Variants in TRIQK observed in about 807,000 individuals in gnomAD.
The protein encoded by TRIQK is triple QxxK/R motif containing, also known as triple QxxK/R motif-containing protein.
Under a neutral mutation model 10.8 loss-of-function variants are expected in TRIQK, and 10 were observed. The observed-to-expected ratio is 0.92, with a 90% confidence interval of 0.57 to 1.57. The LOEUF is 1.57. TRIQK is among the 40% of genes most tolerant of loss of function. The pLI, the probability that TRIQK is intolerant of heterozygous loss-of-function variation, is 0.00. For synonymous variants in TRIQK, 33 were observed against 33.7 expected, an observed-to-expected ratio of 0.98 and a Z score of 0.07; for missense variants, 107 against 97.7, an observed-to-expected ratio of 1.09 and a Z score of -0.40.
At chr8:92,939,913 G>T (rs919500468) in intron 2 of TRIQK, among the ~76,000 whole-genome samples, 1 of 152,114 alleles carries the variant, frequency 6.6e-6, no homozygotes, top group African/African-American at 2.4e-5. Context: ...CTTGCAGCCT[G>T]CACCCTTGCC....
At chr8:92,956,003 C>T in intron 1 of TRIQK, among the ~76,000 whole-genome samples, 1 of 151,736 alleles carries the variant, frequency 6.6e-6, no homozygotes, top group Non-Finnish European at 1.5e-5. Flanking sequence ...AAAAGTTTGG[C>T]AGCTCCTCAA....
intron 2 of TRIQK, among the ~76,000 whole-genome samples, chr8:92,950,662 G>A (rs1343656820): frequency 6.6e-6 from 1 of 152,086 alleles, no homozygotes; most frequent in East Asian, 1.9e-4. Flanking sequence ...AACTGGTTCT[G>A]CCATAAGAGC....
At chr8:92,953,831 G>C (rs910157336) in intron 2 of TRIQK, 2 of 151,874 alleles carry the variant, frequency 1.3e-5, no homozygotes, top group Non-Finnish European at 2.9e-5. Flanking sequence ...GTAGAGTGAG[G>C]AGTGGGAAAG....
At chr8:92,946,420 C>T (rs989135057) in intron 2 of TRIQK, among the ~76,000 whole-genome samples, 6 of 152,092 alleles carry the variant, frequency 3.9e-5, no homozygotes, top group African/African-American at 1.2e-4. Context: ...AGTTTTCATA[C>T]CATCTGCCTC....
At chr8:93,003,610 C>G (rs1336226032) in intron 1 of TRIQK, among the ~76,000 whole-genome samples, 4 of 152,258 alleles carry the variant, frequency 2.6e-5, no homozygotes, top group African/African-American at 9.6e-5. Context: ...AACCGTCCCC[C>G]AAAGTCTTAA....
intron 1 of TRIQK, among the ~76,000 whole-genome samples, chr8:93,005,230 A>G (rs922598212): frequency 1.3e-5 from 2 of 152,220 alleles, no homozygotes; most frequent in Non-Finnish European, 2.9e-5. Flanking sequence ...ACTTACAATC[A>G]TGGCAGAAGG....
At chr8:92,944,915 T>C (rs1446283239) in intron 2 of TRIQK, among the ~76,000 whole-genome samples, 1 of 152,172 alleles carries the variant, frequency 6.6e-6, no homozygotes, top group Non-Finnish European at 1.5e-5. Flanking sequence ...CTAAATGCCC[T>C]GATTTGATTT....
intron 1 of TRIQK, among the ~76,000 whole-genome samples, chr8:92,988,923 C>T (rs939876286): frequency 6.6e-6 from 1 of 152,072 alleles, no homozygotes; most frequent in East Asian, 1.9e-4. Context: ...CCAACTAAAA[C>T]ATGGCAGTGT....
chr8:92,917,108 G>A, intron 2 of TRIQK, 98 bp from the exon 3 acceptor site: 2 of 576,452 alleles, frequency 3.5e-6, no homozygotes, highest in South Asian at 4.6e-5. Context: ...TAAAGCAATG[G>A]GTACAAATAC....
At chr8:92,935,732 C>G (rs1055298360) in intron 2 of TRIQK, among the ~76,000 whole-genome samples, 2 of 151,018 alleles carry the variant, frequency 1.3e-5, no homozygotes, top group East Asian at 3.9e-4. Context: ...AATACACAAA[C>G]AGTATTAGAT....
intron 1 of TRIQK, among the ~76,000 whole-genome samples, chr8:92,971,657 A>C (rs1812878313): frequency 6.6e-6 from 1 of 152,222 alleles, no homozygotes; most frequent in Non-Finnish European, 1.5e-5. Context: ...GACACAAACA[A>C]ATGGAAAAAC....
At chr8:92,964,643 T>C (rs900156828) in intron 1 of TRIQK, among the ~76,000 whole-genome samples, 3 of 149,712 alleles carry the variant, frequency 2.0e-5, no homozygotes, top group Non-Finnish European at 3.0e-5. Flanking sequence ...AATTTGAAAA[T>C]ACTTAAAGCT....
At chr8:92,917,552 C>A (rs1047472759) in intron 2 of TRIQK, among the ~76,000 whole-genome samples, 1 of 151,922 alleles carries the variant, frequency 6.6e-6, no homozygotes, top group Non-Finnish European at 1.5e-5. Context: ...TTAATATTTT[C>A]ATGCTTATTA....
intron 2 of TRIQK, among the ~76,000 whole-genome samples, chr8:92,930,316 G>A (rs1247888931): frequency 2.0e-5 from 3 of 149,350 alleles, no homozygotes; most frequent in Non-Finnish European, 4.4e-5. Context: ...CTTGAACCCG[G>A]GAGGTGGAGG....
chr8:92,971,038 T>C (rs1812872290), upstream of TRIQK, among the ~76,000 whole-genome samples: 1 of 152,190 alleles, frequency 6.6e-6, no homozygotes, highest in Non-Finnish European at 1.5e-5. Flanking sequence ...TCCAGCGCTG[T>C]TTATTAAATA....
upstream of TRIQK, among the ~76,000 whole-genome samples, chr8:92,968,720 G>A (rs1020194874): frequency 1.3e-4 from 20 of 152,072 alleles, no homozygotes; most frequent in Non-Finnish European, 2.4e-4. Context: ...CAGATGGATA[G>A]ATTGCAAAAG....
At chr8:93,010,624 TGTAATTCTAGTTTC>T (rs1225799815) in intron 1 of TRIQK, among the ~76,000 whole-genome samples, 3 of 152,152 alleles carry the variant, frequency 2.0e-5, no homozygotes, top group Non-Finnish European at 4.4e-5. Flanking sequence ...ATAAAACCTT[TGTAATTCTAGTTTC>T]GCATCCATTT....
intron 3 of TRIQK, among the ~76,000 whole-genome samples, chr8:92,894,607 C>T (rs189498347): frequency 8.5e-5 from 13 of 152,184 alleles, no homozygotes; most frequent in Admixed American, 8.5e-4. Flanking sequence ...CTTGGTAATT[C>T]AAGCCTATGA....
intron 3 of TRIQK, among the ~76,000 whole-genome samples, chr8:92,913,759 C>T (rs1191201316): frequency 2.6e-5 from 4 of 152,110 alleles, no homozygotes; most frequent in Non-Finnish European, 5.9e-5. Flanking sequence ...GAAAATGTGG[C>T]ACATATACAC....
Sources: allele counts gnomAD v4.1 joint callset (sites outside exome capture counted in the v4.1 genomes callset), GRCh38; gene constraint gnomAD v4.1.1; transcripts MANE v1.5; gene names NCBI Gene and HGNC (gene_info 2026-07-23, HGNC 2026-07-21).